ATCAY: variants seen among roughly 807,000 people sequenced by gnomAD.
The protein encoded by ATCAY is caytaxin.
ATCAY carries 22 observed loss-of-function variants against 47.7 expected under a neutral mutation model. That is an observed-to-expected ratio of 0.46 (90% CI 0.33 to 0.66). The LOEUF is 0.66. Among genes scored for constraint, ATCAY ranks in the 30% least tolerant of loss-of-function variants. The pLI is 0.02. For synonymous variants in ATCAY, 216 were observed against 207.6 expected, an observed-to-expected ratio of 1.04 and a Z score of -0.35; for missense variants, 452 against 515.0, an observed-to-expected ratio of 0.88 and a Z score of 1.18.
intron 3 of ATCAY, among the ~76,000 whole-genome samples, chr19:3,904,852 CTTTA>C (rs4018054): frequency 1.1e-4 from 16 of 150,368 alleles, no homozygotes; most frequent in Admixed American, 9.4e-4. Context: ...GTCTCTTCTC[CTTTA>C]TTTATTTATT....
At chr19:3,899,926 C>G (rs2038802011) in intron 2 of ATCAY, among the ~76,000 whole-genome samples, 1 of 152,108 alleles carries the variant, frequency 6.6e-6, no homozygotes, top group Non-Finnish European at 1.5e-5. Flanking sequence ...TCCAGCATTT[C>G]TGTCTCAAAA....
At chr19:3,917,833 G>A in intron 10 of ATCAY, 56 bp downstream of exon 10, 1 of 1,586,966 alleles carries the variant, frequency 6.3e-7, no homozygotes, top group East Asian at 2.2e-5. Flanking sequence ...GGGCTGAGCT[G>A]AACTCTCAGT....
rs1271970049 is a variant in ATCAY, at chr19:3,887,710, TC to T, written c.77+1867del. Among the ~76,000 whole-genome samples the T allele has an allele frequency of 4.0e-5, 6 of 149,880 alleles. No homozygotes were observed. In the East Asian group the frequency reaches 1.2e-3, roughly 31 times the overall value. ...ACCATGTTAGCCAGGATGGTCTCGA[TC>T]GTCTGACCTCGTGATCCGCCCACCT... On this transcript the variant is annotated intron_variant, in intron 2 of 12. Coordinates refer to ENST00000450849, the MANE Select transcript of ATCAY (RefSeq NM_033064.5).
At chr19:3,920,846 C>T in intron 12 of ATCAY, 48 bp downstream of exon 12, 2 of 1,605,664 alleles carry the variant, frequency 1.2e-6, no homozygotes, top group Non-Finnish European at 1.7e-6. Flanking sequence ...AAATGTCCTT[C>T]ATGGACCTGT....
chr19:3,899,379 T>C (rs1184619790), intron 2 of ATCAY, among the ~76,000 whole-genome samples: 1 of 143,466 alleles, frequency 7.0e-6, no homozygotes, highest in Non-Finnish European at 1.5e-5. Flanking sequence ...AATGGCACGA[T>C]CTCGGCTCAC....
chr19:3,898,118 C>A (rs1202585352), intron 2 of ATCAY, among the ~76,000 whole-genome samples: 3 of 152,072 alleles, frequency 2.0e-5, no homozygotes, highest in Non-Finnish European at 2.9e-5. Context: ...ATCCCTCTCC[C>A]CCAACCCCAG....
chr19:3,899,155 T>C (rs941954370), intron 2 of ATCAY, among the ~76,000 whole-genome samples: 1 of 151,686 alleles, frequency 6.6e-6, no homozygotes, highest in South Asian at 2.1e-4. Flanking sequence ...CCAAGCCCCA[T>C]AGATGCACTG....
intron 4 of ATCAY, among the ~76,000 whole-genome samples, chr19:3,906,428 G>C (rs937693898): frequency 2.7e-5 from 4 of 150,486 alleles, no homozygotes; most frequent in African/African-American, 9.8e-5. Context: ...TCAGCCTCCC[G>C]AGTAGCTGGG....
rs557647268 is a variant in ATCAY, at chr19:3,898,065, C to T, written c.78-4422C>T. ...CTATCTAATTTGAAGACATTTTCAT[C>T]ACCGTGAGAGGAAATCCTATCTACT... On this transcript the variant is annotated intron_variant, in intron 2 of 12. Transcript: ENST00000450849. 2.5e-3 allele frequency among the ~76,000 whole-genome samples: 383 copies of T among 152,288 alleles called. 1 individual carries two copies. Among genetic ancestry groups the T allele is most frequent in the African/African-American group, 9.0e-3 (375 of 41,562 alleles).
chr19:3,914,425 G>C (rs2038949855), intron 9 of ATCAY, among the ~76,000 whole-genome samples: 1 of 151,788 alleles, frequency 6.6e-6, no homozygotes, highest in Admixed American at 6.6e-5. Context: ...AATAGCACAG[G>C]AAAGACCTGC....
chr19:3,886,790 T>A (rs895605279), intron 2 of ATCAY, among the ~76,000 whole-genome samples: 1 of 148,778 alleles, frequency 6.7e-6, no homozygotes, highest in African/African-American at 2.5e-5. Flanking sequence ...CTCAGGTCAC[T>A]GCAACCTCCA....
At chr19:3,898,735 G>A (rs1007338589) in intron 2 of ATCAY, among the ~76,000 whole-genome samples, 3 of 152,184 alleles carry the variant, frequency 2.0e-5, no homozygotes, top group Non-Finnish European at 2.9e-5. Flanking sequence ...AGGCTGGAGT[G>A]TAGTGGCGTG....
At chr19:3,881,870 C>CCG (rs1555765188) in intron 1 of ATCAY, among the ~76,000 whole-genome samples, 1 of 135,660 alleles carries the variant, frequency 7.4e-6, no homozygotes, top group East Asian at 2.2e-4. Context: ...GCCACCGCCC[C>CCG]CCCCCCGACC....
chr19:3,909,650 G>T, intron 7 of ATCAY, 33 bp downstream of exon 7: 1 of 1,553,898 alleles, frequency 6.4e-7, no homozygotes, highest in Non-Finnish European at 8.7e-7. Flanking sequence ...AGCACAGTGG[G>T]GGCATGAAAA....
chr19:3,919,609 A>G lies in ATCAY; in HGVS notation c.1073+732A>G, dbSNP rs2071734696. Among the ~76,000 whole-genome samples, 4 of 151,856 alleles carry G rather than the reference A, an allele frequency of 2.6e-5. 1 individual carries two copies. Among genetic ancestry groups the G allele is most frequent in the Non-Finnish European group, 4.4e-5 (3 of 67,994 alleles). On this transcript the variant is annotated intron_variant, in intron 11 of 12. Coordinates refer to ENST00000450849, the MANE Select transcript of ATCAY (RefSeq NM_033064.5). Reference sequence around the variant, plus strand: ...CTGTCTCAAAAATAAATAAATAAATAAATATCATCCAGGTGTGGTGATGTA... The same window carrying G: ...CTGTCTCAAAAATAAATAAATAAATGAATATCATCCAGGTGTGGTGATGTA...
chr19:3,906,146 G>A (rs2038858311), intron 4 of ATCAY, among the ~76,000 whole-genome samples: 1 of 149,800 alleles, frequency 6.7e-6, no homozygotes, highest in East Asian at 2.0e-4. Context: ...ACTCCAGCCT[G>A]GGCGACAGAG....
chr19:3,917,017 A>G (rs148635426), intron 9 of ATCAY, among the ~76,000 whole-genome samples: 3,115 of 152,034 alleles, frequency 0.02, 106 homozygotes, highest in African/African-American at 0.071. Context: ...CATGTTGGCC[A>G]GGATGGTCTC....
chr19:3,897,274 T>TAA (rs952466600), intron 2 of ATCAY, among the ~76,000 whole-genome samples: 4 of 150,374 alleles, frequency 2.7e-5, no homozygotes, highest in African/African-American at 9.8e-5. Context: ...TATATATATA[T>TAA]ATATATATAG....
intron 2 of ATCAY, among the ~76,000 whole-genome samples, chr19:3,897,448 C>T (rs889404194): frequency 2.6e-5 from 4 of 151,612 alleles, no homozygotes; most frequent in African/African-American, 7.3e-5. Flanking sequence ...TACAGGGACA[C>T]GCCACCATGC....
Sources: gnomAD v4.1 joint callset for allele counts (sites outside exome capture counted in the v4.1 genomes callset) on GRCh38, gnomAD v4.1.1 for gene constraint, MANE v1.5 for transcripts, NCBI Gene and HGNC (gene_info 2026-07-23, HGNC 2026-07-21) for gene names.